Variants in HERPUD2 observed in about 807,000 individuals in gnomAD.
The protein encoded by HERPUD2 is HERPUD family member 2.
A neutral mutation model predicts 49.9 loss-of-function variants in HERPUD2; 13 were observed. That is an observed-to-expected ratio of 0.26 (90% CI 0.17 to 0.41). HERPUD2 has a LOEUF of 0.41. HERPUD2 is among the 10% of genes least tolerant of loss of function. HERPUD2 has a pLI of 1.00. For missense variants in HERPUD2, 449 were observed against 492.2 expected (o/e 0.91, Z 0.83); for synonymous variants, 172 against 171.4 (o/e 1.00, Z -0.03).
At chr7:35,682,692 C>T (rs1785941680) in intron 2 of HERPUD2, among the ~76,000 whole-genome samples, 1 of 151,732 alleles carries the variant, frequency 6.6e-6, no homozygotes, top group Non-Finnish European at 1.5e-5. Context: ...AAGAAAGTTC[C>T]TAGAACTAAT....
At chr7:35,656,151 A>C (rs1299852114) in intron 5 of HERPUD2, among the ~76,000 whole-genome samples, 2 of 152,152 alleles carry the variant, frequency 1.3e-5, no homozygotes, top group Non-Finnish European at 2.9e-5. Context: ...AACAAGAGTG[A>C]AACTTCATTT....
intron 5 of HERPUD2, among the ~76,000 whole-genome samples, chr7:35,657,006 G>T (rs1219007279): frequency 6.6e-6 from 1 of 152,108 alleles, no homozygotes; most frequent in African/African-American, 2.4e-5. Flanking sequence ...AACAAAAATA[G>T]ACAAATGAGA....
intron 6 of HERPUD2, among the ~76,000 whole-genome samples, chr7:35,636,597 G>A (rs951148037): frequency 1.2e-4 from 19 of 152,190 alleles, no homozygotes; most frequent in African/African-American, 4.1e-4. Context: ...AGAGTACTGA[G>A]CACAAAGCAG....
chr7:35,662,408 C>A (rs1785444530), intron 5 of HERPUD2, among the ~76,000 whole-genome samples: 1 of 152,094 alleles, frequency 6.6e-6, no homozygotes, highest in Non-Finnish European at 1.5e-5. Context: ...TAGGGAGGAT[C>A]CCCTCTTTTT....
At chr7:35,678,198 C>G (rs1251544906) in intron 2 of HERPUD2, among the ~76,000 whole-genome samples, 1 of 151,244 alleles carries the variant, frequency 6.6e-6, no homozygotes, top group Non-Finnish European at 1.5e-5. Context: ...GCTGCTAAAA[C>G]AGGTTGGGTT....
chr7:35,635,508 T>C (rs1380608753), intron 6 of HERPUD2, 50 bp from the exon 7 acceptor site: 3 of 1,473,000 alleles, frequency 2.0e-6, no homozygotes, highest in Admixed American at 2.2e-5. Flanking sequence ...AACTTTACCA[T>C]ACCATATTTT....
Position 35,694,482 on chromosome 7 carries a change from G to A in HERPUD2, c.-152C>T. 1 of 746,260 alleles carries A rather than the reference G, an allele frequency of 1.3e-6. No individual in the cohort carries two copies. The highest frequency in any genetic ancestry group is 2.7e-5 in the East Asian group (1 of 37,238). 46.2% of individuals were successfully genotyped at this position (746,260 alleles called of 1,614,324 possible). ...TTACAAGTGCACTGGAGGATACGAA[G>A]CCCATTGCCGGTACCAAGGATGGAC... On this transcript the variant is annotated 5_prime_UTR_variant, in exon 2 of 9. Coordinates refer to ENST00000311350, the MANE Select transcript of HERPUD2 (RefSeq NM_022373.5).
At position 35,694,530 on chromosome 7, in the gene HERPUD2, G is replaced by A. The variant is rs1275020899; in HGVS notation, c.-200C>T. ...GACTGAGGTGGTGGCGACTGCGACG[G>A]TGGGGTCTGGGTGCCCGGCCGTGGA... On this transcript the variant is annotated 5_prime_UTR_variant, in exon 2 of 9. Coordinates refer to ENST00000311350, the MANE Select transcript of HERPUD2 (RefSeq NM_022373.5). 4 of 601,020 alleles carry A rather than the reference G, an allele frequency of 6.7e-6. No homozygotes were observed. Among genetic ancestry groups the A allele is most frequent in the Non-Finnish European group, 1.2e-5 (4 of 343,028 alleles). 37.2% of individuals were successfully genotyped at this position (601,020 alleles called of 1,614,324 possible). A position where few individuals can be genotyped will look rare whatever the true frequency, so the allele number is the denominator to read the frequency against.
rs540775405 is a variant in HERPUD2, at chr7:35,694,627, G to A, written c.-297C>T. 179 of 411,198 alleles carry A rather than the reference G, an allele frequency of 4.4e-4. 4 individuals carry two copies. In the South Asian group the frequency reaches 4.8e-3, roughly 11 times the overall value. The allele number at this position is 411,198 out of a possible 1,614,324, so 25.5% of individuals were successfully genotyped here. A position where few individuals can be genotyped will look rare whatever the true frequency, so the allele number is the denominator to read the frequency against. On this transcript the variant is annotated splice_region_variant and 5_prime_UTR_variant, in exon 2 of 9. Transcript: ENST00000311350. ...GGAGGCCGTCGTGAGGAGAAAGGAA[G>A]CTATACGAAGGAAGGGTGGGAGGGA...
At chr7:35,683,235 T>A (rs1197398533) in intron 2 of HERPUD2, among the ~76,000 whole-genome samples, 1 of 152,088 alleles carries the variant, frequency 6.6e-6, no homozygotes, top group Admixed American at 6.5e-5. Context: ...CATAGACCAA[T>A]GGAAGGACTA....
At position 35,679,477 on chromosome 7, in the gene HERPUD2, A is replaced by C. The variant is rs141038529; in HGVS notation, c.148-6199T>G. ...CAGCAGTAGGAGGAAAAGATGCAAT[A>C]GCACCCAGCAAAAGTTTCTGACTTT... On this transcript the variant is annotated intron_variant, in intron 2 of 8. Coordinates refer to ENST00000311350, the MANE Select transcript of HERPUD2 (RefSeq NM_022373.5). Among the ~76,000 whole-genome samples, 4 of 152,330 alleles carry C rather than the reference A, an allele frequency of 2.6e-5. No homozygotes were observed. The East Asian group carries it at 7.7e-4, about 29-fold the overall frequency.
rs1422570058 is a variant in HERPUD2 at position 35,689,032 on chromosome 7, T to A, written c.147+5152A>T. On this transcript the variant is annotated intron_variant, in intron 2 of 8. Coordinates refer to ENST00000311350, the MANE Select transcript of HERPUD2 (RefSeq NM_022373.5). ...GGCAAACACTTAGTAAATGGCAAAG[T>A]CAGAGCAGTTAAATAAAAGCATTCT... is the stretch of plus-strand genomic sequence containing the variant. Among the ~76,000 whole-genome samples the A allele has an allele frequency of 2.0e-5, 3 of 152,292 alleles. No homozygotes were observed. In the East Asian group the frequency reaches 5.8e-4, roughly 29 times the overall value.
intron 5 of HERPUD2, among the ~76,000 whole-genome samples, chr7:35,645,715 T>C (rs1169439075): frequency 6.6e-6 from 1 of 152,212 alleles, no homozygotes; most frequent in East Asian, 1.9e-4. Context: ...CTATCGTGAT[T>C]TTAAGTGAGG....
At chr7:35,643,934 T>C (rs2115851367) in intron 5 of HERPUD2, among the ~76,000 whole-genome samples, 1 of 151,074 alleles carries the variant, frequency 6.6e-6, no homozygotes, top group African/African-American at 2.4e-5. Flanking sequence ...CCTAGTAGGG[T>C]AACTACTAAA....
At chr7:35,677,809 T>C (rs529482886) in intron 2 of HERPUD2, among the ~76,000 whole-genome samples, 1 of 152,288 alleles carries the variant, frequency 6.6e-6, no homozygotes, top group African/African-American at 2.4e-5. Context: ...CAGCAGCTAA[T>C]AAGGGATGGG....
chr7:35,669,272 G>T (rs1257366250), intron 4 of HERPUD2, among the ~76,000 whole-genome samples: 3 of 152,126 alleles, frequency 2.0e-5, no homozygotes. Flanking sequence ...GCTGGTACTA[G>T]GAAATAGTTA....
At chr7:35,692,496 G>A (rs1786215257) in intron 2 of HERPUD2, among the ~76,000 whole-genome samples, 1 of 152,188 alleles carries the variant, frequency 6.6e-6, no homozygotes, top group Non-Finnish European at 1.5e-5. Context: ...TCAAAAATGT[G>A]TGAAACTAAT....
chr7:35,648,974 G>A (rs1018871423), intron 5 of HERPUD2, among the ~76,000 whole-genome samples: 6 of 152,160 alleles, frequency 3.9e-5, no homozygotes, highest in Non-Finnish European at 8.8e-5. Context: ...ATTTATGGCC[G>A]GGAGCAGTGG....
Position 35,636,020 on chromosome 7 carries a change from C to T in HERPUD2, c.618-562G>A, listed in dbSNP as rs186651738. 3.9e-5 allele frequency among the ~76,000 whole-genome samples: 6 copies of T among 152,332 alleles called. No individual in the cohort carries two copies. The East Asian group carries it at 9.6e-4, about 24-fold the overall frequency. ...TTGGAAGAACTCCAACTGGGGACCA[C>T]TGATCCTTGTCAAGTTAGAAAGAAT... On this transcript the variant is annotated intron_variant, in intron 6 of 8. Transcript: ENST00000311350.
Sources: allele counts gnomAD v4.1 joint callset (sites outside exome capture counted in the v4.1 genomes callset), GRCh38; gene constraint gnomAD v4.1.1; transcripts MANE v1.5; gene names NCBI Gene and HGNC (gene_info 2026-07-23, HGNC 2026-07-21).